The following RSPH10B variants were observed in gnomAD, a reference collection of about 807,000 sequenced individuals.
RSPH10B encodes radial spoke head 10 homolog B (Chlamydomonas).
RSPH10B carries 7 observed loss-of-function variants against 52.5 expected under a neutral mutation model. The ratio of observed to expected loss-of-function variants is 0.13; its 90% CI spans 0.08 to 0.25. The LOEUF (loss-of-function observed/expected upper bound fraction) is 0.25, where lower values mean the gene tolerates loss of function less well. Among genes scored for constraint, RSPH10B ranks in the 10% least tolerant of loss-of-function variants. RSPH10B has a pLI of 1.00. For synonymous variants in RSPH10B, 28 were observed against 193.2 expected, an observed-to-expected ratio of 0.14 and a Z score of 7.09; for missense variants, 89 against 542.5, an observed-to-expected ratio of 0.16 and a Z score of 8.30.
intron 14 of RSPH10B, among the ~76,000 whole-genome samples, chr7:5,938,367 A>C (rs1583218338): frequency 8.2e-6 from 1 of 121,442 alleles, no homozygotes; most frequent in East Asian, 2.1e-4. Context: ...GGAGATCAAG[A>C]CCATCCTGGC....
At chr7:5,940,062 T>C (rs1780107927) in intron 13 of RSPH10B, among the ~76,000 whole-genome samples, 2 of 129,632 alleles carry the variant, frequency 1.5e-5, no homozygotes, top group Non-Finnish European at 3.6e-5. Context: ...CTGCGCATGG[T>C]GGCGTGTGCC....
chr7:5,928,745 C>T (rs1208826013), intron 17 of RSPH10B, among the ~76,000 whole-genome samples: 1 of 150,504 alleles, frequency 6.6e-6, no homozygotes, highest in Non-Finnish European at 1.5e-5. Flanking sequence ...GATTCTCATG[C>T]CTCAGCCTCC....
intron 13 of RSPH10B, among the ~76,000 whole-genome samples, chr7:5,941,259 AC>A (rs1780168670): frequency 7.0e-6 from 1 of 143,256 alleles, no homozygotes; most frequent in African/African-American, 2.5e-5. Context: ...CCAAGATTGC[AC>A]CACTGTACTC....
chr7:5,950,309 G>T (rs1305332752), intron 9 of RSPH10B, among the ~76,000 whole-genome samples: 1 of 152,000 alleles, frequency 6.6e-6, no homozygotes, highest in Admixed American at 6.6e-5. Context: ...AGTGGCTCAC[G>T]CCTGTAATCC....
At chr7:5,966,089 C>G (rs1781097961) in intron 1 of RSPH10B, among the ~76,000 whole-genome samples, 1 of 74,028 alleles carries the variant, frequency 1.4e-5, no homozygotes, top group Admixed American at 1.5e-4. Flanking sequence ...TGTCACCACG[C>G]CCAGCTAATT....
At position 5,957,949 on chromosome 7, in the gene RSPH10B, G is replaced by C. The variant is rs200406056; in HGVS notation, c.738C>G (p.Thr246=). 1.3e-3 allele frequency: 1,709 copies of C among 1,269,796 alleles called. 2 individuals carry two copies. In the African/African-American group the frequency reaches 0.014, roughly 10 times the overall value. 78.7% of individuals were successfully genotyped at this position (1,269,796 alleles called of 1,614,324 possible). A position where few individuals can be genotyped will look rare whatever the true frequency, so the allele number is the denominator to read the frequency against. The change falls in exon 6 of 19, where the codon ACC becomes ACG. Residue 246 remains threonine (T), a synonymous_variant. Transcript: ENST00000337579. ...ACCGCCCGGTGTACTCTTCGTTGGT[G>C]GTCAGCCACCTCATCCTCCCCTCCC... is the stretch of plus-strand genomic sequence containing the variant.
intron 13 of RSPH10B, among the ~76,000 whole-genome samples, chr7:5,940,923 AAATAAT>A (rs76986048): frequency 0.031 from 2,420 of 77,056 alleles, 121 homozygotes; most frequent in East Asian, 0.047. Flanking sequence ...AAGACTGTCA[AAATAAT>A]AATAATAATA....
intron 9 of RSPH10B, among the ~76,000 whole-genome samples, chr7:5,950,378 C>G (rs1276866295): frequency 2.6e-5 from 4 of 151,242 alleles, no homozygotes; most frequent in Admixed American, 6.6e-5. Flanking sequence ...CGAGACCAGC[C>G]TGGGCAACAC....
intron 9 of RSPH10B, among the ~76,000 whole-genome samples, chr7:5,950,440 G>A (rs1280804514): frequency 2.7e-5 from 4 of 150,612 alleles, no homozygotes; most frequent in Non-Finnish European, 6.0e-5. Context: ...GGGTGGTGGT[G>A]CATGCCTGTA....
At position 5,940,055 on chromosome 7, in the gene RSPH10B, C is replaced by T. The variant is rs2528290; in HGVS notation, c.1759-1226G>A. ...ACTAAAAATACAAAAAAATTAGCTG[C>T]GCATGGTGGCGTGTGCCTGTAGTCC... On this transcript the variant is annotated intron_variant, in intron 13 of 18. Coordinates refer to ENST00000337579, the Ensembl canonical transcript of RSPH10B. 2.2e-4 allele frequency among the ~76,000 whole-genome samples: 27 copies of T among 124,822 alleles called. 4 individuals are homozygous for T. The highest frequency in any genetic ancestry group is 7.0e-4 in the South Asian group (3 of 4,274). 81.9% of individuals were successfully genotyped at this position (124,822 alleles called of 152,430 possible).
At chr7:5,957,943 G>T in exon 6 of RSPH10B, 1 of 1,291,836 alleles carries the variant, frequency 7.7e-7, no homozygotes, top group Non-Finnish European at 1.0e-6. Flanking sequence ...TGTACTCTTC[G>T]TTGGTGGTCA....
chr7:5,928,520 G>A lies in RSPH10B; in HGVS notation c.2234-126C>T, dbSNP rs1254883924. The A allele has an allele frequency of 6.3e-5, 92 of 1,454,450 alleles. 1 individual carries two copies. The highest frequency in any genetic ancestry group is 8.6e-5 in the Non-Finnish European group (90 of 1,040,982). 90.1% of individuals were successfully genotyped at this position (1,454,450 alleles called of 1,614,324 possible). A position where few individuals can be genotyped will look rare whatever the true frequency, so the allele number is the denominator to read the frequency against. ...TTCTCCTCGGCCAGGAGAGGGGAGA[G>A]GAGTAAGGACGCTGCTTCCATGACC... is the stretch of plus-strand genomic sequence containing the variant. On this transcript the variant is annotated intron_variant, in intron 17 of 18. Coordinates refer to ENST00000337579, the Ensembl canonical transcript of RSPH10B.
At position 5,940,040 on chromosome 7, in the gene RSPH10B, C is replaced by CA. The variant is rs1197165458; in HGVS notation, c.1759-1212dup. Among the ~76,000 whole-genome samples the CA allele has an allele frequency of 2.4e-5, 3 of 126,902 alleles. No individual in the cohort carries two copies. In the East Asian group the frequency reaches 6.0e-4, roughly 26 times the overall value. The allele number at this position is 126,902 out of a possible 152,430, so 83.3% of individuals were successfully genotyped here. ...ACAAACCGCATCTCTACTAAAAATA[C>CA]AAAAAAATTAGCTGCGCATGGTGGC... On this transcript the variant is annotated intron_variant, in intron 13 of 18. Coordinates refer to ENST00000337579, the Ensembl canonical transcript of RSPH10B.
At position 5,958,035 on chromosome 7, in the gene RSPH10B, G is replaced by A. The variant is rs1412042691; in HGVS notation, c.660-8C>T. ...ATATTTCCAGATTTATAACTAGGAT[G>A]AAAGAAACCAAAGAAAAACAATCAG... On this transcript the variant is annotated splice_region_variant and splice_polypyrimidine_tract_variant and intron_variant, in intron 5 of 18. Coordinates refer to ENST00000337579, the Ensembl canonical transcript of RSPH10B. The A allele has an allele frequency of 1.1e-6, 1 of 920,260 alleles. No individual in the cohort carries two copies. Among genetic ancestry groups the A allele is most frequent in the Non-Finnish European group, 1.5e-6 (1 of 647,828 alleles). 57.0% of individuals were successfully genotyped at this position (920,260 alleles called of 1,614,324 possible). A position where few individuals can be genotyped will look rare whatever the true frequency, so the allele number is the denominator to read the frequency against.
rs182608903 is a variant in RSPH10B, at chr7:5,942,882, T to A, written c.1758+442A>T. ...CGTCTCAAAAAAATAAAATTAAAAA[T>A]ATATATATATTTATTATATATATAT... On this transcript the variant is annotated intron_variant, in intron 13 of 18. Transcript: ENST00000337579. Among the ~76,000 whole-genome samples, 640 of 139,006 alleles carry A rather than the reference T, an allele frequency of 4.6e-3. 6 individuals are homozygous for A. Among genetic ancestry groups the A allele is most frequent in the East Asian group, 0.024 (117 of 4,862 alleles). 91.2% of individuals were successfully genotyped at this position (139,006 alleles called of 152,430 possible).
chr7:5,957,969 C>T, exon 6 of RSPH10B: 2 of 1,192,796 alleles, frequency 1.7e-6, no homozygotes, highest in Non-Finnish European at 1.1e-6. Flanking sequence ...CTCATCCTCC[C>T]CTCCCCGTGG....
chr7:5,933,459 G>A (rs1779872639), intron 16 of RSPH10B, among the ~76,000 whole-genome samples: 1 of 128,426 alleles, frequency 7.8e-6, no homozygotes, highest in Non-Finnish European at 1.8e-5. Context: ...AGTATTTATT[G>A]TATAAAATTA....
At chr7:5,940,843 T>C (rs1202618104) in intron 13 of RSPH10B, among the ~76,000 whole-genome samples, 36 of 55,140 alleles carry the variant, frequency 6.5e-4, no homozygotes, top group African/African-American at 2.1e-3. Context: ...GAAGAATCAC[T>C]TGAACCCGGG....
At chr7:5,940,571 G>C in intron 13 of RSPH10B, among the ~76,000 whole-genome samples, 1 of 5,000 alleles carries the variant, frequency 2.0e-4, no homozygotes, top group African/African-American at 6.3e-4. Context: ...GAAAAAAAGA[G>C]AATCCACAGA....
Sources: allele counts gnomAD v4.1 joint callset (sites outside exome capture counted in the v4.1 genomes callset), GRCh38; gene constraint gnomAD v4.1.1; transcripts MANE v1.5; gene names NCBI Gene and HGNC (gene_info 2026-07-23, HGNC 2026-07-21).